Variants in LRRTM4 observed in about 807,000 individuals in gnomAD.
LRRTM4 encodes the protein leucine-rich repeat transmembrane neuronal protein 4.
In LRRTM4, 25 loss-of-function variants were observed where a neutral mutation model predicts 47.6. The ratio of observed to expected loss-of-function variants is 0.53; its 90% CI spans 0.38 to 0.73. The LOEUF (loss-of-function observed/expected upper bound fraction) is 0.73, where lower values mean the gene tolerates loss of function less well. Ranked by LOEUF, LRRTM4 falls within the 30% of genes least tolerant of loss-of-function variation. The pLI is 0.00. For missense variants in LRRTM4, 638 were observed against 713.4 expected, an observed-to-expected ratio of 0.89 and a Z score of 1.20; for synonymous variants, 311 against 269.5, an observed-to-expected ratio of 1.15 and a Z score of -1.51.
intron 3 of LRRTM4, among the ~76,000 whole-genome samples, chr2:77,462,473 A>G (rs1007943737): frequency 6.6e-6 from 1 of 152,024 alleles, no homozygotes; most frequent in South Asian, 2.1e-4. Flanking sequence ...ATTCTCTTCA[A>G]CTTCCTGACA....
intron 3 of LRRTM4, among the ~76,000 whole-genome samples, chr2:77,396,484 T>C (rs903648152): frequency 6.6e-6 from 1 of 151,958 alleles, no homozygotes; most frequent in African/African-American, 2.4e-5. Context: ...ACTTGTTAAA[T>C]GTTGTTAAAT....
chr2:77,490,787 C>T (rs1678122416), intron 3 of LRRTM4, among the ~76,000 whole-genome samples: 1 of 152,130 alleles, frequency 6.6e-6, no homozygotes, highest in Non-Finnish European at 1.5e-5. Flanking sequence ...ACACAATAGT[C>T]CTGTTCCCTG....
At chr2:76,933,409 A>G (rs906906808) in intron 3 of LRRTM4, among the ~76,000 whole-genome samples, 1 of 151,854 alleles carries the variant, frequency 6.6e-6, no homozygotes, top group Admixed American at 6.6e-5. Context: ...CTGCAGAGGT[A>G]TATTTTTTTT....
chr2:77,476,892 T>TC (rs2104004592), intron 3 of LRRTM4, among the ~76,000 whole-genome samples: 1 of 152,050 alleles, frequency 6.6e-6, no homozygotes, highest in East Asian at 1.9e-4. Flanking sequence ...ATTATTAATT[T>TC]CTCTTTGAAA....
At chr2:77,012,365 G>A (rs187696893) in intron 3 of LRRTM4, among the ~76,000 whole-genome samples, 5 of 152,114 alleles carry the variant, frequency 3.3e-5, no homozygotes, top group Admixed American at 2.6e-4. Flanking sequence ...CTCTTGTAGT[G>A]CATAATCAGC....
intron 3 of LRRTM4, among the ~76,000 whole-genome samples, chr2:76,912,795 G>T (rs543471166): frequency 6.6e-6 from 1 of 152,118 alleles, no homozygotes; most frequent in African/African-American, 2.4e-5. Flanking sequence ...ATTTAAAAGG[G>T]TGTGGCACCT....
intron 3 of LRRTM4, among the ~76,000 whole-genome samples, chr2:77,005,595 G>A (rs779019695): frequency 8.5e-5 from 13 of 152,224 alleles, no homozygotes; most frequent in African/African-American, 2.6e-4. Context: ...ATTGAATCAT[G>A]GGAGCAGATT....
chr2:77,371,194 C>T (rs961885539), intron 3 of LRRTM4, among the ~76,000 whole-genome samples: 18 of 151,778 alleles, frequency 1.2e-4, no homozygotes, highest in African/African-American at 3.4e-4. Context: ...TACTCAATAA[C>T]GAATATTATT....
intron 3 of LRRTM4, among the ~76,000 whole-genome samples, chr2:77,194,326 C>T (rs1156695461): frequency 6.6e-6 from 1 of 152,108 alleles, no homozygotes; most frequent in Non-Finnish European, 1.5e-5. Flanking sequence ...TGATTTAGGC[C>T]TTTTTAATTG....
intron 3 of LRRTM4, among the ~76,000 whole-genome samples, chr2:77,278,712 C>A (rs547231744): frequency 2.0e-5 from 3 of 152,106 alleles, no homozygotes; most frequent in African/African-American, 7.2e-5. Flanking sequence ...GATAAAGCTA[C>A]CTCACTCACA....
chr2:77,522,238 G>C lies in LRRTM4; in HGVS notation c.-277C>G. The C allele has an allele frequency of 7.7e-6, 5 of 653,566 alleles. No homozygotes were observed. Among genetic ancestry groups the C allele is most frequent in the Non-Finnish European group, 1.4e-5 (5 of 357,096 alleles). 40.5% of individuals were successfully genotyped at this position (653,566 alleles called of 1,614,324 possible). ...CCCAGTTTAAAAGCTATGCAGGCTA[G>C]GTTTATCCATTTAGCTGGTCAGGTT... On this transcript the variant is annotated 5_prime_UTR_variant, in exon 1 of 4. Coordinates refer to ENST00000409884, the MANE Select transcript of LRRTM4 (RefSeq NM_001134745.3).
At chr2:76,795,665 T>TC in intron 3 of LRRTM4, among the ~76,000 whole-genome samples, 1 of 152,126 alleles carries the variant, frequency 6.6e-6, no homozygotes, top group African/African-American at 2.4e-5. Context: ...CTATTATGAA[T>TC]AACATTTCAA....
At chr2:77,414,289 G>A (rs1234327385) in intron 3 of LRRTM4, among the ~76,000 whole-genome samples, 1 of 152,062 alleles carries the variant, frequency 6.6e-6, no homozygotes, top group Non-Finnish European at 1.5e-5. Flanking sequence ...AGATGAGTAA[G>A]CCAAATCTTT....
At chr2:77,351,666 T>C (rs1671784295) in intron 3 of LRRTM4, among the ~76,000 whole-genome samples, 1 of 149,306 alleles carries the variant, frequency 6.7e-6, no homozygotes, top group African/African-American at 2.5e-5. Flanking sequence ...TGTGTATACA[T>C]GTATACTCGA....
chr2:77,295,552 G>C (rs1455331704), intron 3 of LRRTM4, among the ~76,000 whole-genome samples: 1 of 152,148 alleles, frequency 6.6e-6, no homozygotes, highest in African/African-American at 2.4e-5. Context: ...GCTGCCACAA[G>C]AAGTACTGCA....
chr2:77,310,351 A>C (rs1349017116), intron 3 of LRRTM4, among the ~76,000 whole-genome samples: 1 of 152,020 alleles, frequency 6.6e-6, no homozygotes, highest in Admixed American at 6.6e-5. Context: ...TATAAATTTG[A>C]AAATAGCAAA....
chr2:76,961,421 T>C (rs1345003456), intron 3 of LRRTM4, among the ~76,000 whole-genome samples: 1 of 151,322 alleles, frequency 6.6e-6, no homozygotes, highest in Non-Finnish European at 1.5e-5. Flanking sequence ...AAAAAACTCA[T>C]CGTCATTCCT....
At chr2:77,292,680 C>T (rs1676859783) in intron 3 of LRRTM4, among the ~76,000 whole-genome samples, 1 of 124,736 alleles carries the variant, frequency 8.0e-6, no homozygotes, top group African/African-American at 3.1e-5. Flanking sequence ...GGGAACATCA[C>T]ACTCTGGGGA....
chr2:76,784,744 T>G (rs972731989), intron 3 of LRRTM4, among the ~76,000 whole-genome samples: 6 of 152,058 alleles, frequency 3.9e-5, no homozygotes, highest in Non-Finnish European at 8.8e-5. Flanking sequence ...ATACCGTAAC[T>G]GTGCTGGCCA....
Sources: gnomAD v4.1 joint callset for allele counts (sites outside exome capture counted in the v4.1 genomes callset) on GRCh38, gnomAD v4.1.1 for gene constraint, MANE v1.5 for transcripts, NCBI Gene and HGNC (gene_info 2026-07-23, HGNC 2026-07-21) for gene names.